DYRK1B: variants seen among roughly 807,000 people sequenced by gnomAD.
DYRK1B encodes dual specificity tyrosine phosphorylation regulated kinase 1B, also known as dual specificity tyrosine-phosphorylation-regulated kinase 1B.
In DYRK1B, 20 loss-of-function variants were observed where a neutral mutation model predicts 57.1. The ratio of observed to expected loss-of-function variants is 0.35; its 90% CI spans 0.25 to 0.51. The LOEUF (loss-of-function observed/expected upper bound fraction) is 0.51, where lower values mean the gene tolerates loss of function less well. DYRK1B is among the 20% of genes least tolerant of loss of function. The probability of loss-of-function intolerance (pLI) is 0.96; values close to 1 mark genes in which losing one functional copy is unlikely to be tolerated. For synonymous variants in DYRK1B, 409 were observed against 384.7 expected (o/e 1.06, Z -0.74); for missense variants, 732 against 886.3 (o/e 0.83, Z 2.21).
Position 39,826,963 on chromosome 19 carries a change from G to T in DYRK1B, c.1120C>A (p.Arg374=). 3 of 1,456,634 alleles carry T rather than the reference G, an allele frequency of 2.1e-6. No individual in the cohort carries two copies. The highest frequency in any genetic ancestry group is 2.8e-5 in the East Asian group (1 of 36,290). The allele number at this position is 1,456,634 out of a possible 1,614,324, so 90.2% of individuals were successfully genotyped here. Residue 374 remains arginine, a synonymous_variant, in exon 9 of 11, where the codon CGG becomes AGG. Coordinates refer to ENST00000323039, the MANE Select transcript of DYRK1B (RefSeq NM_004714.3). The surrounding 1 kb of genome is among the most constrained non-coding windows in gnomAD (Gnocchi z 6.3). ...RKDYQGPGTR[R]LQEVLGVQTG... ...TGCACGCCCAGCACCTCCTGCAGCC[G>T]CCGTGTCCCGGGGCCCTGGTAATCC...
In DYRK1B at chr19:39,831,907, G is replaced by A. The variant is rs1270611600; in HGVS notation, c.-40C>T. ...GCCGCAGGGGAGCGAGGCCTGGAGC[G>A]GGAGCCCGGCCGGGGGGCGCCTTCT... is the stretch of plus-strand genomic sequence containing the variant. On this transcript the variant is annotated 5_prime_UTR_variant, in exon 2 of 11. Transcript: ENST00000323039. 19 of 1,444,442 alleles carry A rather than the reference G, an allele frequency of 1.3e-5. No homozygotes were observed. The highest frequency in any genetic ancestry group is 2.9e-5 in the Admixed American group (1 of 34,156). The allele number at this position is 1,444,442 out of a possible 1,614,324, so 89.5% of individuals were successfully genotyped here. A position where few individuals can be genotyped will look rare whatever the true frequency, so the allele number is the denominator to read the frequency against.
chr19:39,830,198 C>G (rs529811585), intron 4 of DYRK1B, 171 bp from the exon 5 acceptor site: 2 of 1,131,284 alleles, frequency 1.8e-6, no homozygotes, highest in African/African-American at 1.6e-5. Context: ...AATAACATAA[C>G]GACCTTATGT....
rs1391630651 is a variant in DYRK1B at position 39,826,027 on chromosome 19, A to G, written c.1578T>C (p.His526=). 6 of 1,521,742 alleles carry G rather than the reference A, an allele frequency of 3.9e-6. No homozygotes were observed. The highest frequency in any genetic ancestry group is 5.3e-6 in the Non-Finnish European group (6 of 1,137,686). 94.3% of individuals were successfully genotyped at this position (1,521,742 alleles called of 1,614,324 possible). ...GTGACGAGGCAGAGGCAGGGGCTTG[A>G]TGTGTCTTGTGGGGCACATCACCCC... ...WAGGDVPHKT[H]QAPASASSLP... The change falls in exon 11 of 11, where the codon CAT becomes CAC. Residue 526 remains histidine (H), a synonymous_variant. Coordinates refer to ENST00000323039, the MANE Select transcript of DYRK1B (RefSeq NM_004714.3). This position sits in a 1 kb window ranked among gnomAD's most constrained non-coding sequence, Gnocchi z 6.3.
chr19:39,827,324 C>G lies in DYRK1B; in HGVS notation c.1056G>C (p.Gly352=). The G allele has an allele frequency of 6.2e-7, 1 of 1,613,676 alleles. No individual in the cohort carries two copies. Among genetic ancestry groups the G allele is most frequent in the Non-Finnish European group, 8.5e-7 (1 of 1,179,702 alleles). Residue 352 remains glycine, a synonymous_variant, in exon 8 of 11, where the codon GGG becomes GGC. Transcript: ENST00000323039. Reference sequence around the variant, plus strand: ...TCGTCCTTCGTAGGGTCCAGCCACCCCCAGGCAGCCGTTCAAAGTACTTGC... The same window carrying G: ...TCGTCCTTCGTAGGGTCCAGCCACCGCCAGGCAGCCGTTCAAAGTACTTGC... ...KARKYFERLP[G]GGWTLRRTKE...
At position 39,826,534 on chromosome 19, in the gene DYRK1B, C is replaced by G. The variant is rs913631688; in HGVS notation, c.1411+138G>C. The G allele has an allele frequency of 2.1e-5, 23 of 1,070,892 alleles. No individual in the cohort carries two copies. Among genetic ancestry groups the G allele is most frequent in the Admixed American group, 1.6e-4 (5 of 31,216 alleles). The allele number at this position is 1,070,892 out of a possible 1,614,324, so 66.3% of individuals were successfully genotyped here. A position where few individuals can be genotyped will look rare whatever the true frequency, so the allele number is the denominator to read the frequency against. ...TTGTGTCAGGGCCAGTTGGAGCTCT[C>G]CCATCCCACACGTCATCTTACAGTT... On this transcript the variant is annotated intron_variant, in intron 9 of 10. Transcript: ENST00000323039. This position sits in a 1 kb window ranked among gnomAD's most constrained non-coding sequence, Gnocchi z 6.3.
Position 39,827,364 on chromosome 19 carries a change from T to C in DYRK1B, c.1016A>G (p.Gln339Arg). Residue 339 changes from glutamine to arginine, a missense_variant, in exon 8 of 11, where the codon CAG becomes CGG. Physicochemically the swap from Gln to Arg is conservative, Grantham distance 43. Transcript: ENST00000323039. ...LGIPPAAMLD[Q>R]APKARKYFER... ...AAAGTACTTGCGAGCCTTGGGCGCC[T>C]GGTCCAGCATGGCGGCCGGTGGGAT... is the stretch of plus-strand genomic sequence containing the variant. The C allele has an allele frequency of 5.0e-6, 8 of 1,613,708 alleles. No homozygotes were observed. The highest frequency in any genetic ancestry group is 6.8e-6 in the Non-Finnish European group (8 of 1,179,720).
intron 1 of DYRK1B, chr19:39,832,854 G>A (rs1968883431): frequency 1.1e-6 from 1 of 930,412 alleles, no homozygotes; most frequent in Non-Finnish European, 1.3e-6. Context: ...CACTCCTCCT[G>A]ATGGGAGAAG....
At chr19:39,830,204 T>C in intron 4 of DYRK1B, 171 bp downstream of exon 4, 2 of 1,132,048 alleles carry the variant, frequency 1.8e-6, no homozygotes, top group Non-Finnish European at 2.5e-6. Context: ...ATAACGACCT[T>C]ATGTTGAGTC....
At position 39,826,997 on chromosome 19, in the gene DYRK1B, A is replaced by AGGGGGG; in HGVS notation, c.1096-11_1096-10insCCCCCC. 1 of 86,926 alleles carries AGGGGGG rather than the reference A, an allele frequency of 1.2e-5. No individual in the cohort carries two copies. The highest frequency in any genetic ancestry group is 1.7e-5 in the Non-Finnish European group (1 of 57,362). The allele number at this position is 86,926 out of a possible 1,614,324, so 5.4% of individuals were successfully genotyped here. A position where few individuals can be genotyped will look rare whatever the true frequency, so the allele number is the denominator to read the frequency against. ...CGGGGCCCTGGTAATCCTGGCAGGG[A>AGGGGGG]GGGGGTGGGAGGGGGGGCAAGAGAG... is the stretch of plus-strand genomic sequence containing the variant. On this transcript the variant is annotated splice_polypyrimidine_tract_variant and intron_variant, in intron 8 of 10. Transcript: ENST00000323039. The surrounding 1 kb of genome is among the most constrained non-coding windows in gnomAD (Gnocchi z 6.3).
In DYRK1B at chr19:39,825,994, C is replaced by T. The variant is rs746363496; in HGVS notation, c.1611G>A (p.Gly537=). 6.6e-7 allele frequency: 1 copy of T among 1,523,722 alleles called. No homozygotes were observed. The highest frequency in any genetic ancestry group is 2.3e-5 in the East Asian group (1 of 44,084). The allele number at this position is 1,523,722 out of a possible 1,614,324, so 94.4% of individuals were successfully genotyped here. ...GCTGGGGGGGTAACTGGGCCCCGGT[C>T]CCAGGCAGTGACGAGGCAGAGGCAG... ...QAPASASSLP[G]TGAQLPPQPR... The change falls in exon 11 of 11, where the codon GGG becomes GGA. Residue 537 remains glycine (G), a synonymous_variant. Transcript: ENST00000323039.
Position 39,830,732 on chromosome 19 carries a change from C to G in DYRK1B, c.115G>C (p.Asp39His), listed in dbSNP as rs1394464121. 1 of 1,614,160 alleles carries G rather than the reference C, an allele frequency of 6.2e-7. No homozygotes were observed. The highest frequency in any genetic ancestry group is 8.5e-7 in the Non-Finnish European group (1 of 1,180,032). Residue 39 changes from aspartate to histidine, a missense_variant, in exon 3 of 11, where the codon GAT becomes CAT. Asp to His is a moderately conservative substitution (Grantham distance 81). Around this residue, in one of 2 missense-constraint regions of DYRK1B, gnomAD observed 510 missense variants for 681.3 expected, o/e 0.75. Transcript: ENST00000323039. ...TTACGCAGCGGGGCTGAGGTTGCAT[C>G]CCGGAAGGCCAGGGGCAGCCTCCGA... The part of the protein sequence containing the change: ...LPRRLPLAFR[D>H]ATSAPLRKLS...
rs572640359 is a variant in DYRK1B at position 39,826,730 on chromosome 19, C to A, written c.1353G>T (p.Ser451=). The part of the protein sequence containing the change: ...TGPAGSSAST[S]PAPLDTCPSS... ...AGGGGCAGGTGTCGAGGGGCGCGGG[C>A]GAGGTGGAGGCACTGCTGCCTGCCG... is the stretch of plus-strand genomic sequence containing the variant. The change falls in exon 9 of 11, where the codon TCG becomes TCT. Residue 451 remains serine (S), a synonymous_variant. Transcript: ENST00000323039. The surrounding 1 kb of genome is among the most constrained non-coding windows in gnomAD (Gnocchi z 6.3). 1 of 1,600,654 alleles carries A rather than the reference C, an allele frequency of 6.2e-7. No individual in the cohort carries two copies. Among genetic ancestry groups the A allele is most frequent in the Non-Finnish European group, 8.5e-7 (1 of 1,175,102 alleles).
Position 39,831,871 on chromosome 19 carries a change from G to T in DYRK1B, c.-4C>A. 1 of 1,494,500 alleles carries T rather than the reference G, an allele frequency of 6.7e-7. No homozygotes were observed. Among genetic ancestry groups the T allele is most frequent in the Non-Finnish European group, 8.9e-7 (1 of 1,118,266 alleles). The allele number at this position is 1,494,500 out of a possible 1,614,324, so 92.6% of individuals were successfully genotyped here. A position where few individuals can be genotyped will look rare whatever the true frequency, so the allele number is the denominator to read the frequency against. On this transcript the variant is annotated 5_prime_UTR_variant, in exon 2 of 11. Transcript: ENST00000323039. ...CATGGCCCGGTGGGACGGCCATGGT[G>T]GGCTCAGAGGGCCGCAGGGGAGCGA...
chr19:39,832,085 C>A, intron 1 of DYRK1B, 117 bp from the exon 2 acceptor site: 3 of 1,162,878 alleles, frequency 2.6e-6, no homozygotes, highest in South Asian at 2.1e-5. Context: ...GAAAAGGGCA[C>A]AACGGAGCAG....
Position 39,828,777 on chromosome 19 carries a change from A to T in DYRK1B, c.521-194T>A, listed in dbSNP as rs1968665100. Reference sequence around the variant, plus strand: ...TTAATGCTCTTTCCAAGTCTCTGTCAAACCCTCCAATTAAACCAAAGAGAA... The same window carrying T: ...TTAATGCTCTTTCCAAGTCTCTGTCTAACCCTCCAATTAAACCAAAGAGAA... On this transcript the variant is annotated intron_variant, in intron 5 of 10. Transcript: ENST00000323039. The surrounding 1 kb of genome is among the most constrained non-coding windows in gnomAD (Gnocchi z 4.3). 6.6e-6 allele frequency among the ~76,000 whole-genome samples: 1 copy of T among 152,234 alleles called. No homozygotes were observed. Among genetic ancestry groups the T allele is most frequent in the Non-Finnish European group, 1.5e-5 (1 of 68,038 alleles).
chr19:39,827,138 T>C (rs1214379287), intron 8 of DYRK1B, 147 bp downstream of exon 8: 2 of 658,244 alleles, frequency 3.0e-6, no homozygotes, highest in Non-Finnish European at 4.0e-6. Flanking sequence ...AGATGGGAGA[T>C]GGGGTGGGCA....
Position 39,830,502 on chromosome 19 carries a change from T to C in DYRK1B, c.245A>G (p.Lys82Arg), listed in dbSNP as rs1477343875. Reference protein sequence around the residue: ...QQAPPQDSSNKKEKKVLNHGY... With the variant: ...QQAPPQDSSNRKEKKVLNHGY... ...ATGGTTCAGGACCTTCTTCTCCTTC[T>C]TGTTGCTCGAATCCTGGGGTGGCGC... Residue 82 changes from lysine to arginine, a missense_variant, in exon 4 of 11, where the codon AAG becomes AGG. Lys to Arg is a conservative substitution (Grantham distance 26). Transcript: ENST00000323039. The C allele has an allele frequency of 6.2e-7, 1 of 1,614,092 alleles. No homozygotes were observed. The highest frequency in any genetic ancestry group is 8.5e-7 in the Non-Finnish European group (1 of 1,180,054).
chr19:39,827,058 C>G, intron 8 of DYRK1B, 71 bp from the exon 9 acceptor site: 2 of 1,279,192 alleles, frequency 1.6e-6, no homozygotes, highest in Non-Finnish European at 2.1e-6. Context: ...GGGAGACACA[C>G]ACGGGGAAAC....
chr19:39,829,699 A>G (rs12980289), intron 5 of DYRK1B, 181 bp downstream of exon 5: 15 of 711,934 alleles, frequency 2.1e-5, no homozygotes, highest in Non-Finnish European at 3.3e-5. Flanking sequence ...CATTACCAAG[A>G]AAATAGGACA....
Sources: allele counts gnomAD v4.1 joint callset (sites outside exome capture counted in the v4.1 genomes callset), GRCh38; gene constraint gnomAD v4.1.1; regional missense constraint gnomAD v4.1.1; non-coding constraint Gnocchi (gnomAD v3.1); transcripts MANE v1.5; gene names NCBI Gene and HGNC (gene_info 2026-07-23, HGNC 2026-07-21).